Variants in PLCE1 observed in about 807,000 individuals in gnomAD.
PLCE1 encodes phospholipase C epsilon 1, also known as 1-phosphatidylinositol 4,5-bisphosphate phosphodiesterase epsilon-1.
In PLCE1, 119 loss-of-function variants were observed where a neutral mutation model predicts 242.8. The observed-to-expected ratio is 0.49, with a 90% CI of 0.42 to 0.57. PLCE1 has a LOEUF of 0.57. Among genes scored for constraint, PLCE1 ranks in the 20% least tolerant of loss-of-function variants. The probability of loss-of-function intolerance (pLI) is 0.00; values close to 1 mark genes in which losing one functional copy is unlikely to be tolerated. For missense variants in PLCE1, 2,441 were observed against 2,788.8 expected, an observed-to-expected ratio of 0.88 and a Z score of 2.81; for synonymous variants, 945 against 1,017.4, an observed-to-expected ratio of 0.93 and a Z score of 1.35.
intron 3 of PLCE1, among the ~76,000 whole-genome samples, chr10:94,162,141 G>T (rs1279657658): frequency 6.6e-6 from 1 of 152,144 alleles, no homozygotes; most frequent in African/African-American, 2.4e-5. Context: ...TCTCTGCCAG[G>T]CTTTGGTATC....
At chr10:94,307,483 C>T (rs995413005) in intron 26 of PLCE1, among the ~76,000 whole-genome samples, 1 of 152,142 alleles carries the variant, frequency 6.6e-6, no homozygotes, top group African/African-American at 2.4e-5. Context: ...TGCAAGTAGC[C>T]CGTGGTCATT....
At chr10:94,104,901 A>T (rs530779673) in intron 2 of PLCE1, 1 of 152,358 alleles carries the variant, frequency 6.6e-6, no homozygotes, top group East Asian at 1.9e-4. Flanking sequence ...TCAAACCTTG[A>T]CACATACATT....
chr10:94,323,464 T>C (rs1249249014), intron 30 of PLCE1, among the ~76,000 whole-genome samples: 1 of 152,228 alleles, frequency 6.6e-6, no homozygotes, highest in African/African-American at 2.4e-5. Context: ...CCCTTATTTA[T>C]TTCTTTTGTG....
rs372134736 is a variant in PLCE1, at chr10:94,110,538, A to G, written c.1207-21636A>G. ...GAAATCATGAGGAGGAATCTCACAT[A>G]GAATTGAAAGTGAGGTCTAAAGAAC... On this transcript the variant is annotated intron_variant, in intron 2 of 32. Coordinates refer to ENST00000371380, the MANE Select transcript of PLCE1 (RefSeq NM_016341.4). Among the ~76,000 whole-genome samples the G allele has an allele frequency of 1.8e-4, 28 of 152,378 alleles. No homozygotes were observed. The South Asian group carries it at 2.5e-3, about 14-fold the overall frequency.
chr10:94,027,141 A>G (rs570317476), intron 1 of PLCE1, among the ~76,000 whole-genome samples: 1 of 152,072 alleles, frequency 6.6e-6, no homozygotes, highest in Non-Finnish European at 1.5e-5. Context: ...ACTACTTCCT[A>G]CTTATCTTTT....
At chr10:94,215,199 C>G (rs1027782088) in intron 4 of PLCE1, among the ~76,000 whole-genome samples, 23 of 152,176 alleles carry the variant, frequency 1.5e-4, no homozygotes, top group African/African-American at 5.3e-4. Context: ...GTAAATGATC[C>G]TGCCTTACTT....
chr10:94,005,357 A>G (rs1442714139), intron 1 of PLCE1, among the ~76,000 whole-genome samples: 1 of 152,208 alleles, frequency 6.6e-6, no homozygotes, highest in Non-Finnish European at 1.5e-5. Context: ...ATGCTCTACT[A>G]TTGATTTATG....
chr10:94,019,275 C>G (rs548355893), intron 1 of PLCE1, among the ~76,000 whole-genome samples: 1 of 152,330 alleles, frequency 6.6e-6, no homozygotes, highest in Admixed American at 6.5e-5. Flanking sequence ...AAGTTGTTTG[C>G]TGCTCAGAGG....
At chr10:94,138,120 C>A in intron 3 of PLCE1, 1 of 364,816 alleles carries the variant, frequency 2.7e-6, no homozygotes, top group Non-Finnish European at 5.3e-6. Context: ...GAGTGGCAGA[C>A]AGACATCACC....
intron 10 of PLCE1, 46 bp downstream of exon 10, chr10:94,254,353 G>A (rs186571760): frequency 4.2e-4 from 554 of 1,328,806 alleles, no homozygotes; most frequent in Non-Finnish European, 5.4e-4. Flanking sequence ...TTTAATTTTT[G>A]TGGGAAAAAA....
intron 29 of PLCE1, among the ~76,000 whole-genome samples, chr10:94,320,787 A>G (rs914502776): frequency 6.6e-6 from 1 of 152,180 alleles, no homozygotes; most frequent in Admixed American, 6.5e-5. Flanking sequence ...CTGCTTGACA[A>G]TCACATTATA....
At chr10:94,138,116 C>T in intron 3 of PLCE1, 1 of 363,964 alleles carries the variant, frequency 2.7e-6, no homozygotes, top group Non-Finnish European at 5.3e-6. Context: ...TAATGAGTGG[C>T]AGACAGACAT....
chr10:94,129,468 T>C (rs1337995096), intron 2 of PLCE1, among the ~76,000 whole-genome samples: 1 of 152,214 alleles, frequency 6.6e-6, no homozygotes, highest in African/African-American at 2.4e-5. Context: ...ACTTTCATGA[T>C]CAAGGAGTCC....
intron 2 of PLCE1, among the ~76,000 whole-genome samples, chr10:94,044,914 G>T (rs1170594938): frequency 6.6e-6 from 1 of 152,192 alleles, no homozygotes; most frequent in Admixed American, 6.5e-5. Flanking sequence ...TCAGGTGAAT[G>T]CTTTTCTACA....
intron 2 of PLCE1, among the ~76,000 whole-genome samples, chr10:94,082,405 G>T (rs1285566842): frequency 6.6e-6 from 1 of 152,194 alleles, no homozygotes; most frequent in Non-Finnish European, 1.5e-5. Flanking sequence ...TAGAATGGTT[G>T]CTAGGGGGAT....
At chr10:94,117,419 G>A (rs915070504) in intron 2 of PLCE1, among the ~76,000 whole-genome samples, 5 of 152,202 alleles carry the variant, frequency 3.3e-5, no homozygotes, top group African/African-American at 1.2e-4. Flanking sequence ...TCTGCTGGGA[G>A]TGAGACTCAG....
At chr10:94,048,104 G>T (rs1467691838) in intron 2 of PLCE1, among the ~76,000 whole-genome samples, 1 of 152,050 alleles carries the variant, frequency 6.6e-6, no homozygotes, top group East Asian at 1.9e-4. Context: ...GGTTGCTGTA[G>T]TTCATTTGTT....
chr10:94,132,046 T>C, intron 2 of PLCE1, 128 bp from the exon 3 acceptor site: 1 of 821,558 alleles, frequency 1.2e-6, no homozygotes, highest in Non-Finnish European at 2.0e-6. Context: ...AGCCGAGTGC[T>C]CAGAGTGTTT....
intron 4 of PLCE1, among the ~76,000 whole-genome samples, chr10:94,172,819 A>G (rs2048024246): frequency 6.6e-6 from 1 of 152,110 alleles, no homozygotes; most frequent in African/African-American, 2.4e-5. Flanking sequence ...AGAGTGAGAC[A>G]CCATCTTTAG....
Sources: gnomAD v4.1 joint callset for allele counts (sites outside exome capture counted in the v4.1 genomes callset) on GRCh38, gnomAD v4.1.1 for gene constraint, MANE v1.5 for transcripts, NCBI Gene and HGNC (gene_info 2026-07-23, HGNC 2026-07-21) for gene names.